The following LUZP2 variants were observed in gnomAD, a reference collection of about 807,000 sequenced individuals.
LUZP2 encodes the protein leucine zipper protein 2.
In LUZP2, 52 loss-of-function variants were observed where a neutral mutation model predicts 51.6. The ratio of observed to expected loss-of-function variants is 1.01; its 90% confidence interval spans 0.81 to 1.27. The LOEUF (loss-of-function observed/expected upper bound fraction) is 1.27. LUZP2 is among the 50% of genes most tolerant of loss of function. The pLI is 0.00. For synonymous variants in LUZP2, 154 were observed against 137.3 expected (o/e 1.12, Z -0.85); for missense variants, 436 against 395.4 (o/e 1.10, Z -0.87).
At chr11:24,527,563 TCTCTCA>T (rs1452414130) in intron 1 of LUZP2, among the ~76,000 whole-genome samples, 119 of 116,790 alleles carry the variant, frequency 1.0e-3, no homozygotes, top group African/African-American at 4.0e-3. Flanking sequence ...TCTCTCTCTC[TCTCTCA>T]CACACACACA....
chr11:24,761,155 G>A (rs768282410), intron 4 of LUZP2, among the ~76,000 whole-genome samples: 4 of 152,100 alleles, frequency 2.6e-5, no homozygotes, highest in Non-Finnish European at 5.9e-5. Flanking sequence ...AAGAAAAAAG[G>A]TTTAATTGGC....
chr11:24,797,378 A>G (rs1849576898), intron 5 of LUZP2, among the ~76,000 whole-genome samples: 1 of 152,184 alleles, frequency 6.6e-6, no homozygotes, highest in Admixed American at 6.6e-5. Context: ...CTTTTCTTGA[A>G]TACCTAATGT....
intron 1 of LUZP2, among the ~76,000 whole-genome samples, chr11:24,707,240 C>A (rs984842745): frequency 2.0e-5 from 3 of 151,776 alleles, no homozygotes; most frequent in African/African-American, 7.3e-5. Flanking sequence ...AGCTTATATT[C>A]AAATCTATTC....
intron 7 of LUZP2, among the ~76,000 whole-genome samples, chr11:24,921,015 A>G (rs10834547): frequency 0.38 from 58,179 of 151,972 alleles, 13,580 homozygotes; most frequent in East Asian, 0.72. Flanking sequence ...CAGTAAAAAT[A>G]CAATATTTAC....
intron 1 of LUZP2, among the ~76,000 whole-genome samples, chr11:24,640,936 T>G (rs1855255859): frequency 6.7e-6 from 1 of 150,056 alleles, no homozygotes; most frequent in African/African-American, 2.5e-5. Flanking sequence ...TATATATGTA[T>G]GTATGTGTAT....
intron 7 of LUZP2, among the ~76,000 whole-genome samples, chr11:24,943,492 T>C (rs1282123924): frequency 6.6e-6 from 1 of 152,184 alleles, no homozygotes; most frequent in African/African-American, 2.4e-5. Context: ...CTGCGGTTAT[T>C]TGAGTGTCAG....
At chr11:24,879,492 A>G (rs148958463) in intron 5 of LUZP2, among the ~76,000 whole-genome samples, 103 of 152,278 alleles carry the variant, frequency 6.8e-4, no homozygotes, top group African/African-American at 2.4e-3. Flanking sequence ...AGGAATCGCC[A>G]CATTGAATTC....
intron 1 of LUZP2, among the ~76,000 whole-genome samples, chr11:24,584,402 G>A (rs997254586): frequency 7.2e-5 from 11 of 152,134 alleles, no homozygotes; most frequent in African/African-American, 2.4e-4. Flanking sequence ...GAGTTCTTGT[G>A]CTGAAATTGT....
At chr11:24,985,102 A>G (rs1856152512) in intron 9 of LUZP2, among the ~76,000 whole-genome samples, 1 of 151,768 alleles carries the variant, frequency 6.6e-6, no homozygotes, top group South Asian at 2.1e-4. Context: ...TTAGAAAATT[A>G]TACATTATTG....
At chr11:24,899,651 G>C (rs1853213339) in intron 5 of LUZP2, among the ~76,000 whole-genome samples, 1 of 152,056 alleles carries the variant, frequency 6.6e-6, no homozygotes, top group South Asian at 2.1e-4. Context: ...GCTTTAGCGT[G>C]TCTCACATCA....
intron 8 of LUZP2, 22 bp downstream of exon 8, chr11:24,976,687 AT>A: frequency 8.4e-7 from 1 of 1,186,772 alleles, no homozygotes; most frequent in Non-Finnish European, 1.2e-6. Context: ...TTCATGAACC[AT>A]TACAACTGTA....
chr11:24,961,761 T>C (rs745387611), intron 7 of LUZP2, among the ~76,000 whole-genome samples: 2 of 151,534 alleles, frequency 1.3e-5, no homozygotes, highest in African/African-American at 2.4e-5. Context: ...AAAGTTAATA[T>C]TGTTATGTGT....
chr11:24,807,508 T>C (rs1026116700), intron 5 of LUZP2, among the ~76,000 whole-genome samples: 3 of 148,966 alleles, frequency 2.0e-5, no homozygotes, highest in Non-Finnish European at 3.0e-5. Context: ...TTTAACAAAG[T>C]TATACATAGC....
rs956456646 is a variant in LUZP2, at chr11:24,915,684, GGATA to G, written c.522+1162_522+1165del. Among the ~76,000 whole-genome samples, 119 of 151,546 alleles carry G rather than the reference GGATA, an allele frequency of 7.9e-4. 2 individuals are homozygous for G. Among genetic ancestry groups the G allele is most frequent in the African/African-American group, 1.9e-3 (80 of 41,310 alleles). On this transcript the variant is annotated intron_variant, in intron 7 of 11. Transcript: ENST00000336930. The stretch of plus-strand genomic sequence containing the variant: ...ATAGATAGATGATAGATAGATAGAT[GGATA>G]GATAGATAGATAGATTAGATAGGTA...
chr11:24,683,805 A>G (rs1856818687), intron 1 of LUZP2, among the ~76,000 whole-genome samples: 1 of 152,134 alleles, frequency 6.6e-6, no homozygotes, highest in Admixed American at 6.6e-5. Flanking sequence ...ACTTCCTTTA[A>G]TAGGTCTATT....
At chr11:24,686,870 C>A (rs919113091) in intron 1 of LUZP2, among the ~76,000 whole-genome samples, 1 of 152,068 alleles carries the variant, frequency 6.6e-6, no homozygotes, top group African/African-American at 2.4e-5. Flanking sequence ...GCTGCTTCCC[C>A]GAGAGTTGCT....
intron 5 of LUZP2, among the ~76,000 whole-genome samples, chr11:24,880,703 C>T (rs1852432784): frequency 6.6e-6 from 1 of 151,818 alleles, no homozygotes; most frequent in African/African-American, 2.4e-5. Flanking sequence ...CAATTCTCTA[C>T]ACGTGTTAGA....
At chr11:24,773,541 A>C (rs1848814778) in intron 5 of LUZP2, among the ~76,000 whole-genome samples, 1 of 152,190 alleles carries the variant, frequency 6.6e-6, no homozygotes, top group African/African-American at 2.4e-5. Context: ...GAAGGATGAG[A>C]CAGAGTGGGC....
intron 1 of LUZP2, among the ~76,000 whole-genome samples, chr11:24,532,914 A>T (rs1374655921): frequency 6.6e-6 from 1 of 151,232 alleles, no homozygotes; most frequent in Non-Finnish European, 1.5e-5. Context: ...TTTGATAAAC[A>T]TAAATCTTAA....
Sources: gnomAD v4.1 joint callset for allele counts (sites outside exome capture counted in the v4.1 genomes callset) on GRCh38, gnomAD v4.1.1 for gene constraint, MANE v1.5 for transcripts, NCBI Gene and HGNC (gene_info 2026-07-23, HGNC 2026-07-21) for gene names.